FHOD3: variants seen among roughly 807,000 people sequenced by gnomAD.
FHOD3 encodes formin homology 2 domain containing 3.
FHOD3 carries 90 observed loss-of-function variants against 173.0 expected under a neutral mutation model. The observed-to-expected ratio is 0.52, with a 90% CI of 0.44 to 0.62. The LOEUF is 0.62. Ranked by LOEUF, FHOD3 falls within the 20% of genes least tolerant of loss-of-function variation. The pLI, the probability that FHOD3 is intolerant of heterozygous loss-of-function variation, is 0.00. For synonymous variants in FHOD3, 828 were observed against 823.0 expected (o/e 1.01, Z -0.10); for missense variants, 1,945 against 2,034.7 (o/e 0.96, Z 0.85).
intron 5 of FHOD3, among the ~76,000 whole-genome samples, chr18:36,533,681 C>G (rs772588970): frequency 6.6e-6 from 1 of 152,170 alleles, no homozygotes; most frequent in African/African-American, 2.4e-5. Flanking sequence ...GGGAAGACGA[C>G]TTATGTCTTA....
At chr18:36,376,410 T>A (rs996220591) in intron 3 of FHOD3, among the ~76,000 whole-genome samples, 1 of 152,188 alleles carries the variant, frequency 6.6e-6, no homozygotes, top group African/African-American at 2.4e-5. Context: ...AAGTGTCCAA[T>A]ATTGAGTTAA....
chr18:36,511,603 C>T (rs915257057), intron 4 of FHOD3, among the ~76,000 whole-genome samples: 6 of 152,026 alleles, frequency 3.9e-5, no homozygotes, highest in Non-Finnish European at 8.8e-5. Context: ...GGGTGAGAAC[C>T]GTCTGAGCTC....
At chr18:36,440,128 G>A (rs1175613187) in intron 3 of FHOD3, among the ~76,000 whole-genome samples, 1 of 152,120 alleles carries the variant, frequency 6.6e-6, no homozygotes, top group Admixed American at 6.5e-5. Flanking sequence ...GGTCTGTACC[G>A]GTAGGACCAA....
At chr18:36,525,390 A>G (rs565993213) in intron 5 of FHOD3, among the ~76,000 whole-genome samples, 2 of 152,152 alleles carry the variant, frequency 1.3e-5, no homozygotes, top group Non-Finnish European at 2.9e-5. Flanking sequence ...AGAGGACCCC[A>G]AGCCTCAGAT....
chr18:36,693,075 C>A, intron 16 of FHOD3, 134 bp from the exon 17 acceptor site: 1 of 851,798 alleles, frequency 1.2e-6, no homozygotes, highest in Non-Finnish European at 1.8e-6. Flanking sequence ...GGCAGGCTGA[C>A]TCTCCAGCCA....
intron 3 of FHOD3, among the ~76,000 whole-genome samples, chr18:36,400,056 A>G (rs1912663265): frequency 6.6e-6 from 1 of 152,012 alleles, no homozygotes; most frequent in Non-Finnish European, 1.5e-5. Context: ...GCAGACATCT[A>G]TCACCCCTCA....
At chr18:36,570,138 A>G (rs1487064868) in intron 5 of FHOD3, among the ~76,000 whole-genome samples, 1 of 152,096 alleles carries the variant, frequency 6.6e-6, no homozygotes, top group Non-Finnish European at 1.5e-5. Flanking sequence ...GAAAAATAAA[A>G]TTGACCAACA....
At chr18:36,335,096 G>C (rs559151833) in intron 1 of FHOD3, among the ~76,000 whole-genome samples, 1 of 152,344 alleles carries the variant, frequency 6.6e-6, no homozygotes, top group African/African-American at 2.4e-5. Context: ...CCTAGGACAG[G>C]GGTGTCTAAT....
intron 23 of FHOD3, among the ~76,000 whole-genome samples, chr18:36,746,688 G>T (rs2042169929): frequency 6.6e-6 from 1 of 152,114 alleles, no homozygotes; most frequent in South Asian, 2.1e-4. Context: ...AGTTCCCAAA[G>T]ATTTATTTCT....
chr18:36,448,991 G>C (rs1046767861), intron 3 of FHOD3, among the ~76,000 whole-genome samples: 8 of 151,144 alleles, frequency 5.3e-5, no homozygotes, highest in Admixed American at 5.3e-4. Context: ...GCCATTTCTC[G>C]GTGTCCCCTT....
chr18:36,542,775 G>A (rs977435214), intron 5 of FHOD3, among the ~76,000 whole-genome samples: 2 of 152,074 alleles, frequency 1.3e-5, no homozygotes, highest in Admixed American at 1.3e-4. Context: ...CTGACTTGCT[G>A]GGACACCTGT....
intron 1 of FHOD3, among the ~76,000 whole-genome samples, chr18:36,310,384 C>G (rs1356009615): frequency 6.6e-6 from 1 of 152,040 alleles, no homozygotes; most frequent in African/African-American, 2.4e-5. Flanking sequence ...GCCTGTGGGG[C>G]TATAGAAATA....
intron 19 of FHOD3, among the ~76,000 whole-genome samples, chr18:36,719,709 G>A (rs907557782): frequency 3.3e-5 from 5 of 152,206 alleles, no homozygotes; most frequent in African/African-American, 1.2e-4. Flanking sequence ...AACTGTCTGA[G>A]TCAGGTTTCC....
At chr18:36,719,438 T>A (rs1258645462) in intron 19 of FHOD3, among the ~76,000 whole-genome samples, 1 of 152,202 alleles carries the variant, frequency 6.6e-6, no homozygotes, top group East Asian at 1.9e-4. Context: ...CTGCAAGATA[T>A]GGGATCACAG....
chr18:36,768,768 C>T (rs887921882), intron 27 of FHOD3, among the ~76,000 whole-genome samples: 11 of 152,178 alleles, frequency 7.2e-5, no homozygotes, highest in African/African-American at 2.2e-4. Flanking sequence ...TTCTACTTAG[C>T]GAGAAGTTAG....
chr18:36,711,815 G>A (rs1372287618), intron 18 of FHOD3, among the ~76,000 whole-genome samples: 1 of 152,228 alleles, frequency 6.6e-6, no homozygotes, highest in Non-Finnish European at 1.5e-5. Flanking sequence ...GAAAAGGATT[G>A]CCTAACAGAA....
chr18:36,691,589 GTT>G (rs60232436), intron 16 of FHOD3, among the ~76,000 whole-genome samples: 72,209 of 151,942 alleles, frequency 0.48, 17,328 homozygotes, highest in East Asian at 0.68. Context: ...CATTCCTTTT[GTT>G]GCCTCTCTTA....
chr18:36,472,644 A>T (rs538844545), intron 3 of FHOD3, among the ~76,000 whole-genome samples: 1 of 152,174 alleles, frequency 6.6e-6, no homozygotes. Flanking sequence ...TGGACAATTC[A>T]TATATACAGA....
intron 10 of FHOD3, among the ~76,000 whole-genome samples, chr18:36,648,402 T>G (rs759293480): frequency 6.6e-6 from 1 of 152,190 alleles, no homozygotes; most frequent in East Asian, 1.9e-4. Flanking sequence ...TGACAGGACT[T>G]AGAGACCAGA....
Sources: allele counts gnomAD v4.1 joint callset (sites outside exome capture counted in the v4.1 genomes callset), GRCh38; gene constraint gnomAD v4.1.1; transcripts MANE v1.5; gene names NCBI Gene and HGNC (gene_info 2026-07-23, HGNC 2026-07-21).